The following NKAIN3 variants were observed in gnomAD, a reference collection of about 807,000 sequenced individuals.
NKAIN3 encodes the protein sodium/potassium transporting ATPase interacting 3, also known as sodium/potassium-transporting ATPase subunit beta-1-interacting protein 3.
A neutral mutation model predicts 30.2 loss-of-function variants in NKAIN3; 25 were observed. That is an observed-to-expected ratio of 0.83 (90% CI 0.60 to 1.16). The LOEUF is 1.16. NKAIN3 is among the 50% of genes most tolerant of loss of function. The pLI is 0.00. For missense variants in NKAIN3, 225 were observed against 254.1 expected (o/e 0.89, Z 0.78); for synonymous variants, 91 against 89.6 (o/e 1.02, Z -0.09).
chr8:62,938,392 G>A (rs1822852599), intron 5 of NKAIN3, among the ~76,000 whole-genome samples: 1 of 152,090 alleles, frequency 6.6e-6, no homozygotes, highest in South Asian at 2.1e-4. Flanking sequence ...GCTAACCAGA[G>A]GTCCTGAGTC....
At chr8:62,837,402 A>G (rs373863478) in intron 4 of NKAIN3, among the ~76,000 whole-genome samples, 1 of 152,188 alleles carries the variant, frequency 6.6e-6, no homozygotes, top group Admixed American at 6.6e-5. Context: ...TATAGTTGGT[A>G]TCGGGAAACA....
At chr8:62,712,181 G>A (rs1347279111) in intron 3 of NKAIN3, among the ~76,000 whole-genome samples, 4 of 152,128 alleles carry the variant, frequency 2.6e-5, no homozygotes, top group African/African-American at 4.8e-5. Flanking sequence ...TCTTAGTTTT[G>A]GTGGTTTAAT....
rs534558199 is a variant in NKAIN3 at position 62,971,302 on chromosome 8, T to C, written c.*5895T>C. Among the ~76,000 whole-genome samples, 1 of 152,252 alleles carries C rather than the reference T, an allele frequency of 6.6e-6. No homozygotes were observed. The highest frequency in any genetic ancestry group is 6.5e-5 in the Admixed American group (1 of 15,280). On this transcript the variant is annotated 3_prime_UTR_variant, in exon 7 of 7. Transcript: ENST00000623646. Reference sequence around the variant, plus strand: ...CAACTTTGCAGTGAAGAAACCTGGGTATTATAGTCTTTATTCTTAATGACT... The same window carrying C: ...CAACTTTGCAGTGAAGAAACCTGGGCATTATAGTCTTTATTCTTAATGACT...
intron 1 of NKAIN3, among the ~76,000 whole-genome samples, chr8:62,535,464 C>T (rs559891248): frequency 2.3e-4 from 35 of 152,250 alleles, no homozygotes; most frequent in Admixed American, 1.2e-3. Context: ...CCACTCACCC[C>T]GCTACCAGTC....
intron 1 of NKAIN3, among the ~76,000 whole-genome samples, chr8:62,562,140 T>C (rs1809603771): frequency 6.6e-6 from 1 of 152,150 alleles, no homozygotes; most frequent in Non-Finnish European, 1.5e-5. Flanking sequence ...TAGCTTCTGT[T>C]TTATTTAGCC....
Position 62,747,033 on chromosome 8 carries a change from C to T in NKAIN3, c.375C>T (p.Gly125=). The T allele has an allele frequency of 6.2e-7, 1 of 1,613,278 alleles. No homozygotes were observed. Among genetic ancestry groups the T allele is most frequent in the Non-Finnish European group, 8.5e-7 (1 of 1,179,248 alleles). The change falls in exon 4 of 7, where the codon GGC becomes GGT. Residue 125 remains glycine (G), a synonymous_variant. Transcript: ENST00000623646. ...VRRVLPPSAH[G]MMDDYTYVSV... ...GAGTGCTGCCTCCCTCAGCCCATGG[C>T]ATGATGGACGATTACACGTACGTCT... is the stretch of plus-strand genomic sequence containing the variant.
chr8:62,346,055 C>T (rs1360209278), intron 1 of NKAIN3, among the ~76,000 whole-genome samples: 1 of 151,912 alleles, frequency 6.6e-6, no homozygotes, highest in East Asian at 1.9e-4. Context: ...ATAGTTGTTA[C>T]CAGAGGCAGG....
At chr8:62,295,545 T>C (rs769182096) in intron 1 of NKAIN3, among the ~76,000 whole-genome samples, 17 of 152,300 alleles carry the variant, frequency 1.1e-4, no homozygotes, top group Middle Eastern at 3.4e-3. Flanking sequence ...AAAATGGAAA[T>C]AAATATTAAT....
At chr8:62,613,299 T>A (rs914573132) in intron 3 of NKAIN3, among the ~76,000 whole-genome samples, 2 of 152,174 alleles carry the variant, frequency 1.3e-5, no homozygotes, top group Non-Finnish European at 2.9e-5. Context: ...TATACTATTC[T>A]AGGACAAAAG....
intron 3 of NKAIN3, among the ~76,000 whole-genome samples, chr8:62,708,223 C>G (rs1814596548): frequency 6.6e-6 from 1 of 151,984 alleles, no homozygotes; most frequent in Non-Finnish European, 1.5e-5. Context: ...TTTTTGATAC[C>G]ATATGAAGTT....
chr8:62,797,150 A>C (rs1033200582), intron 4 of NKAIN3, among the ~76,000 whole-genome samples: 1 of 152,240 alleles, frequency 6.6e-6, no homozygotes, highest in Non-Finnish European at 1.5e-5. Flanking sequence ...AGGAGGATTA[A>C]AACTCTTTTC....
At chr8:62,763,542 T>C (rs10957236) in intron 4 of NKAIN3, among the ~76,000 whole-genome samples, 61,719 of 152,054 alleles carry the variant, frequency 0.41, 15,731 homozygotes, top group Non-Finnish European at 0.57. Context: ...TACACAATTA[T>C]TACTTAGTAA....
chr8:62,345,602 CAT>C (rs1442584462), intron 1 of NKAIN3, among the ~76,000 whole-genome samples: 3 of 146,832 alleles, frequency 2.0e-5, no homozygotes, highest in Non-Finnish European at 4.5e-5. Flanking sequence ...CATATATACA[CAT>C]ATATGTATAT....
chr8:62,270,542 A>G (rs1812747714), intron 1 of NKAIN3, among the ~76,000 whole-genome samples: 1 of 152,162 alleles, frequency 6.6e-6, no homozygotes, highest in South Asian at 2.1e-4. Flanking sequence ...TGCATATATC[A>G]CCTCAAATAT....
At chr8:62,590,948 T>G (rs955905550) in intron 3 of NKAIN3, among the ~76,000 whole-genome samples, 1 of 151,976 alleles carries the variant, frequency 6.6e-6, no homozygotes, top group African/African-American at 2.4e-5. Flanking sequence ...ATAATTGTGC[T>G]AGCGATTGTA....
chr8:62,519,011 T>C (rs958322010), intron 1 of NKAIN3, among the ~76,000 whole-genome samples: 1 of 149,824 alleles, frequency 6.7e-6, no homozygotes, highest in African/African-American at 2.6e-5. Context: ...AGTGGATATA[T>C]TTTCCCTAAG....
intron 5 of NKAIN3, among the ~76,000 whole-genome samples, chr8:62,944,151 C>A (rs1164145697): frequency 6.6e-6 from 1 of 152,010 alleles, no homozygotes; most frequent in African/African-American, 2.4e-5. Context: ...TCCAAAAACC[C>A]ATTGAAACAT....
chr8:62,884,377 GC>G (rs1284112825), intron 4 of NKAIN3, among the ~76,000 whole-genome samples: 3 of 151,916 alleles, frequency 2.0e-5, no homozygotes, highest in African/African-American at 7.3e-5. Flanking sequence ...TCCTGCCTTA[GC>G]ATCCTGAGTA....
At chr8:62,304,818 C>T (rs372326350) in intron 1 of NKAIN3, among the ~76,000 whole-genome samples, 2,736 of 28,368 alleles carry the variant, frequency 0.096, 308 homozygotes, top group African/African-American at 0.21. Context: ...TGTGGACATT[C>T]GGCATGACGT....
Sources: gnomAD v4.1 joint callset for allele counts (sites outside exome capture counted in the v4.1 genomes callset) on GRCh38, gnomAD v4.1.1 for gene constraint, MANE v1.5 for transcripts, NCBI Gene and HGNC (gene_info 2026-07-23, HGNC 2026-07-21) for gene names.